Variants in ARID4A observed in about 807,000 individuals in gnomAD.
The protein encoded by ARID4A is AT-rich interactive domain-containing protein 4A.
A neutral mutation model predicts 148.6 loss-of-function variants in ARID4A; 39 were observed. The ratio of observed to expected loss-of-function variants is 0.26; its 90% CI spans 0.20 to 0.34. The LOEUF is 0.34. Among genes scored for constraint, ARID4A ranks in the 10% least tolerant of loss-of-function variants. The probability of loss-of-function intolerance (pLI) is 1.00; values close to 1 mark genes in which losing one functional copy is unlikely to be tolerated. For missense variants in ARID4A, 1,265 were observed against 1,449.1 expected, an observed-to-expected ratio of 0.87 and a Z score of 2.06; for synonymous variants, 475 against 481.2, an observed-to-expected ratio of 0.99 and a Z score of 0.17.
chr14:58,358,674 A>G (rs2034998253), intron 17 of ARID4A, among the ~76,000 whole-genome samples: 1 of 152,128 alleles, frequency 6.6e-6, no homozygotes, highest in Non-Finnish European at 1.5e-5. Context: ...TGAGGAGGAA[A>G]AGGAAGTTGA....
At chr14:58,349,291 T>C (rs1347424725) in intron 15 of ARID4A, among the ~76,000 whole-genome samples, 1 of 152,192 alleles carries the variant, frequency 6.6e-6, no homozygotes, top group African/African-American at 2.4e-5. Flanking sequence ...TGCAGTGTGC[T>C]GTCTAGTATG....
chr14:58,349,551 C>G (rs2034538412), intron 15 of ARID4A, among the ~76,000 whole-genome samples: 1 of 151,844 alleles, frequency 6.6e-6, no homozygotes, highest in Non-Finnish European at 1.5e-5. Context: ...CACTTATCCA[C>G]ATATATAAGC....
rs1306238292 is a variant in ARID4A at position 58,373,367 on chromosome 14, C to T, written c.*1378C>T. The T allele has an allele frequency of 3.8e-5, 7 of 185,142 alleles. No homozygotes were observed. The highest frequency in any genetic ancestry group is 8.0e-5 in the Non-Finnish European group (7 of 87,430). The allele number at this position is 185,142 out of a possible 1,614,324, so 11.5% of individuals were successfully genotyped here. ...ATGTAAAAAGGTGATTTTATAAAAG[C>T]AGTTTTTAAATTCATGTTTGTACAT... On this transcript the variant is annotated 3_prime_UTR_variant, in exon 24 of 24. Coordinates refer to ENST00000355431, the MANE Select transcript of ARID4A (RefSeq NM_002892.4).
chr14:58,331,571 A>T (rs1012086064), intron 11 of ARID4A: 3 of 152,180 alleles, frequency 2.0e-5, no homozygotes, highest in Non-Finnish European at 4.4e-5. Context: ...AAACGGGATT[A>T]AATAAGAATT....
chr14:58,302,291 C>T (rs1030860574), intron 3 of ARID4A, among the ~76,000 whole-genome samples: 3 of 152,064 alleles, frequency 2.0e-5, no homozygotes, highest in South Asian at 2.1e-4. Context: ...GTCAGGAGTT[C>T]GAGACCAGCC....
At chr14:58,320,560 T>TA (rs1245863816) in intron 7 of ARID4A, among the ~76,000 whole-genome samples, 2 of 151,124 alleles carry the variant, frequency 1.3e-5, no homozygotes, top group East Asian at 1.9e-4. Flanking sequence ...TCCTTTAATC[T>TA]AAAAAAATTC....
intron 4 of ARID4A, among the ~76,000 whole-genome samples, chr14:58,305,808 G>A (rs894417711): frequency 1.3e-5 from 2 of 152,128 alleles, no homozygotes; most frequent in Admixed American, 6.6e-5. Flanking sequence ...TAAAGTAGGG[G>A]TAATAATAGC....
At chr14:58,338,059 A>G (rs1198784315) in intron 11 of ARID4A, among the ~76,000 whole-genome samples, 4 of 152,182 alleles carry the variant, frequency 2.6e-5, no homozygotes, top group African/African-American at 9.7e-5. Context: ...AAGATACATT[A>G]CATTGAATAT....
intron 18 of ARID4A, 99 bp downstream of exon 18, chr14:58,359,315 C>CTTGCTCTCAATCTTGGTATA: frequency 1.7e-6 from 2 of 1,182,828 alleles, no homozygotes; most frequent in Non-Finnish European, 1.2e-6. Context: ...AGGTTTATAC[C>CTTGCTCTCAATCTTGGTATA]AAGATTGAGA....
intron 9 of ARID4A, 120 bp downstream of exon 9, chr14:58,328,436 A>C: frequency 1.6e-6 from 1 of 610,560 alleles, no homozygotes; most frequent in East Asian, 3.0e-5. Context: ...TGAACTGAGA[A>C]GTTGTTACCT....
intron 16 of ARID4A, among the ~76,000 whole-genome samples, chr14:58,352,954 G>A (rs2140245717): frequency 1.3e-5 from 2 of 152,240 alleles, no homozygotes; most frequent in African/African-American, 4.8e-5. Flanking sequence ...CAACACAAAT[G>A]TAAAGCTTTG....
intron 8 of ARID4A, among the ~76,000 whole-genome samples, chr14:58,324,056 C>T (rs377243065): frequency 3.3e-5 from 5 of 151,982 alleles, no homozygotes; most frequent in Admixed American, 1.3e-4. Flanking sequence ...AGGCGCCTGC[C>T]ACCACGCCTG....
intron 15 of ARID4A, among the ~76,000 whole-genome samples, chr14:58,348,390 G>A (rs542379036): frequency 1.3e-5 from 2 of 152,172 alleles, no homozygotes; most frequent in Non-Finnish European, 2.9e-5. Context: ...CATAATAAAG[G>A]CTTATTAAAT....
intron 5 of ARID4A, among the ~76,000 whole-genome samples, chr14:58,315,903 G>A (rs369681295): frequency 6.6e-6 from 1 of 152,138 alleles, no homozygotes; most frequent in African/African-American, 2.4e-5. Context: ...ATGGTTCTTT[G>A]AGTATGTGCT....
Position 58,351,236 on chromosome 14 carries a change from A to C in ARID4A, c.1568A>C (p.Asn523Thr), listed in dbSNP as rs763029814. ...AATGAGCTACTACTGGGGAGAAAAAATACACCAAAGCAAAAAGAGAAGAAA... is the reference window on the plus strand; with the variant it reads ...AATGAGCTACTACTGGGGAGAAAAACTACACCAAAGCAAAAAGAGAAGAAA... The part of the protein sequence containing the change: ...KENELLLGRK[N>T]TPKQKEKKIK... The change falls in exon 16 of 24, where the codon AAT (asparagine) becomes ACT (threonine). Residue 523 changes from asparagine to threonine, a missense_variant. By Grantham distance (65) the Asn-to-Thr change is moderately conservative. Transcript: ENST00000355431. The C allele has an allele frequency of 6.2e-7, 1 of 1,613,142 alleles. No homozygotes were observed. Among genetic ancestry groups the C allele is most frequent in the South Asian group, 1.1e-5 (1 of 90,646 alleles).
intron 23 of ARID4A, among the ~76,000 whole-genome samples, chr14:58,369,062 A>G (rs2035486445): frequency 2.0e-5 from 3 of 152,234 alleles, no homozygotes; most frequent in Non-Finnish European, 4.4e-5. Flanking sequence ...ATAATAAGGC[A>G]GTGAAGCTGA....
intron 5 of ARID4A, among the ~76,000 whole-genome samples, chr14:58,311,577 C>A (rs2032036466): frequency 6.6e-6 from 1 of 152,118 alleles, no homozygotes; most frequent in South Asian, 2.1e-4. Flanking sequence ...TCCAGCAATC[C>A]CACTCCTGGG....
rs772420397 is a variant in ARID4A at position 58,318,731 on chromosome 14, A to G, written c.375A>G (p.Leu125=). Reference sequence around the variant, plus strand: ...TACAGACACTTGACCAGCTTCCATTAACAAATCCAGAGCATTTTGGAACTC... The same window carrying G: ...TACAGACACTTGACCAGCTTCCATTGACAAATCCAGAGCATTTTGGAACTC... ...AESETLDQLP[L]TNPEHFGTPV... Residue 125 remains leucine, a synonymous_variant, in exon 7 of 24, where the codon TTA becomes TTG. Coordinates refer to ENST00000355431, the MANE Select transcript of ARID4A (RefSeq NM_002892.4). The G allele has an allele frequency of 6.2e-7, 1 of 1,614,094 alleles. No individual in the cohort carries two copies. The highest frequency in any genetic ancestry group is 8.5e-7 in the Non-Finnish European group (1 of 1,179,974).
chr14:58,350,453 G>T (rs1421904548), intron 15 of ARID4A, among the ~76,000 whole-genome samples: 1 of 152,214 alleles, frequency 6.6e-6, no homozygotes, highest in East Asian at 1.9e-4. Flanking sequence ...TCAGCATTCA[G>T]TGGGCTAGAT....
Sources: allele counts gnomAD v4.1 joint callset (sites outside exome capture counted in the v4.1 genomes callset), GRCh38; gene constraint gnomAD v4.1.1; transcripts MANE v1.5; gene names NCBI Gene and HGNC (gene_info 2026-07-23, HGNC 2026-07-21).